CYP4B1: variants seen among roughly 807,000 people sequenced by gnomAD.
CYP4B1 encodes the protein cytochrome P450 family 4 subfamily B member 1.
Under a neutral mutation model 54.0 loss-of-function variants are expected in CYP4B1, and 45 were observed. The ratio of observed to expected loss-of-function variants is 0.83; its 90% CI spans 0.66 to 1.07. The LOEUF is 1.07. CYP4B1 is among the 50% of genes least tolerant of loss of function. CYP4B1 has a pLI of 0.00. For synonymous variants in CYP4B1, 248 were observed against 247.5 expected (o/e 1.00, Z -0.02); for missense variants, 656 against 655.4 (o/e 1.00, Z -0.01).
rs1310827268 is a variant in CYP4B1 at position 46,818,211 on chromosome 1, C to T, written c.1353C>T (p.Pro451=). ...CCTTTATGCCCTTCTCTGCTGGGCC[C>T]AGGTATGGAGAGACCCAGTATCCCA... ...PFAFMPFSAG[P]RNCIGQQFAM... Residue 451 remains proline (P), a splice_region_variant and synonymous_variant, in exon 11 of 12, where the codon CCC becomes CCT. Transcript: ENST00000371923. 1 of 1,613,498 alleles carries T rather than the reference C, an allele frequency of 6.2e-7. No individual in the cohort carries two copies. Among genetic ancestry groups the T allele is most frequent in the Admixed American group, 1.7e-5 (1 of 60,018 alleles).
chr1:46,818,815 C>A lies in CYP4B1; in HGVS notation c.*1C>A. 1 of 1,614,036 alleles carries A rather than the reference C, an allele frequency of 6.2e-7. No homozygotes were observed. Among genetic ancestry groups the A allele is most frequent in the Non-Finnish European group, 8.5e-7 (1 of 1,179,954 alleles). On this transcript the variant is annotated 3_prime_UTR_variant, in exon 12 of 12. Coordinates refer to ENST00000371923, the MANE Select transcript of CYP4B1 (RefSeq NM_001099772.2). ...ACTGGGCCCTGGGTCTGGGAAGTAGCTCTGATGAGAATGGGGTCCCAGATG... is the reference window on the plus strand; with the variant it reads ...ACTGGGCCCTGGGTCTGGGAAGTAGATCTGATGAGAATGGGGTCCCAGATG...
chr1:46,806,603 C>T (rs918274919), intron 1 of CYP4B1, among the ~76,000 whole-genome samples: 6 of 152,172 alleles, frequency 3.9e-5, no homozygotes, highest in South Asian at 2.1e-4. Flanking sequence ...AATCCTTTTC[C>T]GATCTGATTC....
At chr1:46,806,371 T>C (rs1426836638) in intron 1 of CYP4B1, among the ~76,000 whole-genome samples, 3 of 152,228 alleles carry the variant, frequency 2.0e-5, no homozygotes, top group African/African-American at 7.2e-5. Flanking sequence ...GCACTGTAGC[T>C]GCAGCACACT....
chr1:46,800,183 C>CTT (rs1553130084), intron 1 of CYP4B1, among the ~76,000 whole-genome samples: 1 of 19,838 alleles, frequency 5.0e-5, no homozygotes, highest in African/African-American at 8.2e-5. Flanking sequence ...TTCTTTCTTT[C>CTT]TCTTTCTTTC....
At chr1:46,808,667 C>G (rs1678960650) in intron 1 of CYP4B1, among the ~76,000 whole-genome samples, 3 of 151,464 alleles carry the variant, frequency 2.0e-5, no homozygotes, top group South Asian at 2.1e-4. Flanking sequence ...GACACATGCA[C>G]ACGTATGTTT....
At chr1:46,800,298 C>CTTCCTTCTTTCTTTCT (rs1553130205) in intron 1 of CYP4B1, among the ~76,000 whole-genome samples, 2 of 87,928 alleles carry the variant, frequency 2.3e-5, no homozygotes, top group South Asian at 4.3e-4. Context: ...TCCTTCCTTC[C>CTTCCTTCTTTCTTTCT]TTCTTTCCTT....
At chr1:46,818,070 AC>A (rs1679408867) in intron 10 of CYP4B1, 41 bp downstream of exon 10, 1 of 1,613,010 alleles carries the variant, frequency 6.2e-7, no homozygotes, top group South Asian at 1.1e-5. Flanking sequence ...AGGGTGGGGG[AC>A]TGGGAGGGTC....
chr1:46,816,581 G>GACACACACACACACACACACACAC (rs3066413), intron 8 of CYP4B1, among the ~76,000 whole-genome samples: 1,652 of 146,648 alleles, frequency 0.011, 19 homozygotes, highest in South Asian at 0.024. Flanking sequence ...AAAGGGAAAA[G>GACACACACACACACACACACACAC]ACACACACAC....
rs1430971579 is a variant in CYP4B1, at chr1:46,819,126, C to T, written c.*312C>T. 3.9e-6 allele frequency: 1 copy of T among 255,174 alleles called. No homozygotes were observed. Among genetic ancestry groups the T allele is most frequent in the Non-Finnish European group, 7.5e-6 (1 of 133,790 alleles). The allele number at this position is 255,174 out of a possible 1,614,324, so 15.8% of individuals were successfully genotyped here. A position where few individuals can be genotyped will look rare whatever the true frequency, so the allele number is the denominator to read the frequency against. On this transcript the variant is annotated 3_prime_UTR_variant, in exon 12 of 12. Transcript: ENST00000371923. The stretch of plus-strand genomic sequence containing the variant: ...AACTTAAAAATGCAGCAGAAACTTA[C>T]ATTCCAACCTTAGAGACTCATAGTG...
At chr1:46,814,480 C>A (rs371917763) in intron 7 of CYP4B1, among the ~76,000 whole-genome samples, 165 bp downstream of exon 7, 1 of 152,086 alleles carries the variant, frequency 6.6e-6, no homozygotes, top group Non-Finnish European at 1.5e-5. Context: ...CAGAGGTGGG[C>A]AGGTGTAGGG....
Position 46,818,922 on chromosome 1 carries a change from G to A in CYP4B1, c.*108G>A, listed in dbSNP as rs1415271169. On this transcript the variant is annotated 3_prime_UTR_variant, in exon 12 of 12. Coordinates refer to ENST00000371923, the MANE Select transcript of CYP4B1 (RefSeq NM_001099772.2). ...GGGGCCCCCTGCCTTCAGGAGGCTT[G>A]TAGTTTAGAAGGGAAGTAGGCATTA... 3 of 1,003,802 alleles carry A rather than the reference G, an allele frequency of 3.0e-6. No homozygotes were observed. Among genetic ancestry groups the A allele is most frequent in the Non-Finnish European group, 4.4e-6 (3 of 676,212 alleles). 62.2% of individuals were successfully genotyped at this position (1,003,802 alleles called of 1,614,324 possible).
chr1:46,818,294 A>C, intron 11 of CYP4B1, 81 bp downstream of exon 11: 2 of 1,287,754 alleles, frequency 1.6e-6, no homozygotes, highest in East Asian at 4.6e-5. Context: ...CACTATTAGA[A>C]GGTACTCTGA....
intron 1 of CYP4B1, among the ~76,000 whole-genome samples, chr1:46,806,651 G>C (rs557619178): frequency 2.0e-5 from 3 of 152,352 alleles, no homozygotes; most frequent in Non-Finnish European, 4.4e-5. Flanking sequence ...GAGAAGCAGA[G>C]AGGAAAGTGG....
chr1:46,811,523 A>T (rs1679100291), intron 3 of CYP4B1, among the ~76,000 whole-genome samples: 1 of 152,260 alleles, frequency 6.6e-6, no homozygotes, highest in East Asian at 1.9e-4. Flanking sequence ...GGGCCTAAGG[A>T]AATGGTGTGG....
At chr1:46,809,181 A>AAAAAACAAAAC (rs1678990876) in intron 1 of CYP4B1, among the ~76,000 whole-genome samples, 1 of 146,558 alleles carries the variant, frequency 6.8e-6, no homozygotes, top group African/African-American at 2.5e-5. Flanking sequence ...ATCCTTAAAA[A>AAAAAACAAAAC]AAAACAAAAC....
Position 46,818,706 on chromosome 1 carries a change from C to G in CYP4B1, c.1431C>G (p.Phe477Leu). Residue 477 changes from phenylalanine (F) to leucine (L), a missense_variant, in exon 12 of 12, where the codon TTC becomes TTG. Phe to Leu is a conservative substitution (Grantham distance 22). Coordinates refer to ENST00000371923, the MANE Select transcript of CYP4B1 (RefSeq NM_001099772.2). Reference sequence around the variant, plus strand: ...CCATGTGCTTGCTCCGCTTTGAGTTCTCTCTGGACCCCTCACGGCTGCCCA... The same window carrying G: ...CCATGTGCTTGCTCCGCTTTGAGTTGTCTCTGGACCCCTCACGGCTGCCCA... Reference protein sequence around the residue: ...VTAMCLLRFEFSLDPSRLPIK... With the variant: ...VTAMCLLRFELSLDPSRLPIK... The G allele has an allele frequency of 1.2e-6, 2 of 1,614,194 alleles. No individual in the cohort carries two copies. Among genetic ancestry groups the G allele is most frequent in the Non-Finnish European group, 1.7e-6 (2 of 1,180,022 alleles).
chr1:46,812,657 T>A (rs777667196), intron 4 of CYP4B1, 34 bp downstream of exon 4: 10 of 1,604,792 alleles, frequency 6.2e-6, no homozygotes, highest in Middle Eastern at 1.7e-4. Context: ...TGGAGGCTGT[T>A]GCCTGCTGGG....
intron 1 of CYP4B1, among the ~76,000 whole-genome samples, chr1:46,810,013 G>C (rs1302727056): frequency 1.3e-5 from 2 of 152,180 alleles, no homozygotes; most frequent in Non-Finnish European, 2.9e-5. Flanking sequence ...GCTCATCCCA[G>C]GTGACTGTCC....
In CYP4B1 at chr1:46,804,054, T is replaced by A. The variant is rs539099167; in HGVS notation, c.180+4793T>A. On this transcript the variant is annotated intron_variant, in intron 1 of 11. Transcript: ENST00000371923. ...AGGTAAACTGGAAAGAGCTGTCAAC[T>A]GAGAAATTGTTGGTAGGTAGATGGC... Among the ~76,000 whole-genome samples, 3 of 152,228 alleles carry A rather than the reference T, an allele frequency of 2.0e-5. No individual in the cohort carries two copies. In the South Asian group the frequency reaches 6.2e-4, roughly 32 times the overall value.
Sources: allele counts gnomAD v4.1 joint callset (sites outside exome capture counted in the v4.1 genomes callset), GRCh38; gene constraint gnomAD v4.1.1; transcripts MANE v1.5; gene names NCBI Gene and HGNC (gene_info 2026-07-23, HGNC 2026-07-21).